PCDHGA1: variants seen among roughly 807,000 people sequenced by gnomAD.
PCDHGA1 encodes the protein protocadherin gamma subfamily A, 1.
PCDHGA1 carries 32 observed loss-of-function variants against 58.0 expected under a neutral mutation model. The ratio of observed to expected loss-of-function variants is 0.55; its 90% CI spans 0.42 to 0.74. PCDHGA1 has a LOEUF of 0.74. PCDHGA1 is among the 30% of genes least tolerant of loss of function. PCDHGA1 has a pLI of 0.00. For synonymous variants in PCDHGA1, 498 were observed against 501.1 expected, an observed-to-expected ratio of 0.99 and a Z score of 0.08; for missense variants, 1,205 against 1,182.3, an observed-to-expected ratio of 1.02 and a Z score of -0.28.
chr5:141,416,699 T>C (rs1232694721), intron 1 of PCDHGA1: 1 of 152,092 alleles, frequency 6.6e-6, no homozygotes, highest in Non-Finnish European at 1.5e-5. Context: ...AAACAAAGGA[T>C]CATTGGAGGT....
Position 141,399,568 on chromosome 5 carries a change from G to A in PCDHGA1, c.2421+66463G>A, listed in dbSNP as rs776963716. ...CTCGGACCTGGACTTGGGGTTGAAC[G>A]GCCAAGTCTCCTACTCTATCATGGC... is the stretch of plus-strand genomic sequence containing the variant. On this transcript the variant is annotated intron_variant, in intron 1 of 3. Transcript: ENST00000517417. The A allele has an allele frequency of 3.1e-6, 5 of 1,613,926 alleles. No individual in the cohort carries two copies. The East Asian group carries it at 8.9e-5, about 29-fold the overall frequency.
At chr5:141,383,774 TTCA>T in intron 1 of PCDHGA1, 1 of 1,613,980 alleles carries the variant, frequency 6.2e-7, no homozygotes, top group South Asian at 1.1e-5. Flanking sequence ...CCAAAGATGT[TTCA>T]TCTGAACTCG....
intron 1 of PCDHGA1, chr5:141,371,384 T>C: frequency 2.5e-6 from 4 of 1,613,984 alleles, no homozygotes; most frequent in Non-Finnish European, 3.4e-6. Flanking sequence ...ACACTGCATA[T>C]TGTAAAGTAC....
At chr5:141,410,516 C>T in intron 1 of PCDHGA1, 2 of 1,613,910 alleles carry the variant, frequency 1.2e-6, no homozygotes, top group Middle Eastern at 1.6e-4. Context: ...ATGCAGTGTG[C>T]CCCTACATTC....
intron 1 of PCDHGA1, chr5:141,420,931 AATC>A: frequency 2.7e-6 from 1 of 369,128 alleles, no homozygotes; most frequent in African/African-American, 2.1e-5. Context: ...AGGTGAGCGT[AATC>A]ATTTCTTCTG....
In PCDHGA1 at chr5:141,491,731, C is replaced by T. The variant is rs1198438920; in HGVS notation, c.2422-3076C>T. ...GGGCTCGGCGCCGCCCCGGGCGACC[C>T]CTGGGGGCGGCACTGGAGAAGCCGC... On this transcript the variant is annotated intron_variant, in intron 1 of 3. Coordinates refer to ENST00000517417, the MANE Select transcript of PCDHGA1 (RefSeq NM_018912.3). The surrounding 1 kb of genome is among the most constrained non-coding windows in gnomAD (Gnocchi z 6.9). 1 of 1,603,678 alleles carries T rather than the reference C, an allele frequency of 6.2e-7. No homozygotes were observed. Among genetic ancestry groups the T allele is most frequent in the Non-Finnish European group, 8.5e-7 (1 of 1,175,748 alleles).
chr5:141,414,526 G>T, intron 1 of PCDHGA1: 1 of 1,613,912 alleles, frequency 6.2e-7, no homozygotes, highest in Non-Finnish European at 8.5e-7. Flanking sequence ...AGATATCAAT[G>T]ACAACCCACC....
At position 141,375,271 on chromosome 5, in the gene PCDHGA1, A is replaced by C. The variant is rs748119820; in HGVS notation, c.2421+42166A>C. 1.5e-5 allele frequency: 24 copies of C among 1,613,884 alleles called. No homozygotes were observed. The East Asian group carries it at 4.5e-4, about 30-fold the overall frequency. On this transcript the variant is annotated intron_variant, in intron 1 of 3. Coordinates refer to ENST00000517417, the MANE Select transcript of PCDHGA1 (RefSeq NM_018912.3). ...GAAGTCTCCCATTTGAATTGGAAAAATCAGTTGGCAATTATTATCGATTAG... is the reference window on the plus strand; with the variant it reads ...GAAGTCTCCCATTTGAATTGGAAAACTCAGTTGGCAATTATTATCGATTAG...
intron 1 of PCDHGA1, among the ~76,000 whole-genome samples, chr5:141,436,923 T>C (rs2097854286): frequency 6.6e-6 from 1 of 152,224 alleles, no homozygotes; most frequent in African/African-American, 2.4e-5. Flanking sequence ...GAGTGTTACT[T>C]TTTCTTTGTC....
chr5:141,478,387 C>T, intron 1 of PCDHGA1: 1 of 1,613,642 alleles, frequency 6.2e-7, no homozygotes, highest in Non-Finnish European at 8.5e-7. Context: ...CGCACCTTTA[C>T]CATCAGGTGT....
At chr5:141,361,499 C>A (rs1762048821) in intron 1 of PCDHGA1, 2 of 1,614,066 alleles carry the variant, frequency 1.2e-6, no homozygotes, top group Non-Finnish European at 1.7e-6. Flanking sequence ...TTCCAACAGA[C>A]TTCCTACATG....
chr5:141,340,785 CT>C (rs1756983447), intron 1 of PCDHGA1: 3 of 1,613,750 alleles, frequency 1.9e-6, no homozygotes, highest in Admixed American at 1.7e-5. Flanking sequence ...GCCTGGCTGT[CT>C]TACCACCTGC....
At chr5:141,419,547 T>C (rs2096397603) in intron 1 of PCDHGA1, 6 of 1,612,070 alleles carry the variant, frequency 3.7e-6, no homozygotes, top group Non-Finnish European at 5.1e-6. Context: ...CCGCGGGTGC[T>C]GTACCCTGCG....
chr5:141,341,237 G>A (rs1165498415), intron 1 of PCDHGA1: 2 of 1,614,060 alleles, frequency 1.2e-6, no homozygotes, highest in Admixed American at 1.7e-5. Flanking sequence ...CTATTCCCAC[G>A]AGGTCTCCCT....
At chr5:141,399,473 A>G (rs2093815825) in intron 1 of PCDHGA1, 2 of 1,613,996 alleles carry the variant, frequency 1.2e-6, no homozygotes, top group Non-Finnish European at 1.7e-6. Context: ...CCGGTTTTCC[A>G]CCAGGCGTCC....
At position 141,340,897 on chromosome 5, in the gene PCDHGA1, C is replaced by A. The variant is rs141820910; in HGVS notation, c.2421+7792C>A. 6.6e-4 allele frequency: 1,068 copies of A among 1,613,718 alleles called. 1 individual carries two copies. Among genetic ancestry groups the A allele is most frequent in the Non-Finnish European group, 8.1e-4 (959 of 1,179,932 alleles). On this transcript the variant is annotated intron_variant, in intron 1 of 3. Coordinates refer to ENST00000517417, the MANE Select transcript of PCDHGA1 (RefSeq NM_018912.3). ...ACAGAGACGCGCTCAAGCAGAGCCT[C>A]GTGGTGGCCATCCAGGACCACGGCC...
At position 141,487,215 on chromosome 5, in the gene PCDHGA1, C is replaced by G. The variant is rs1248989099; in HGVS notation, c.2422-7592C>G. 4 of 1,613,850 alleles carry G rather than the reference C, an allele frequency of 2.5e-6. No homozygotes were observed. Among genetic ancestry groups the G allele is most frequent in the East Asian group, 4.5e-5 (2 of 44,882 alleles). The stretch of plus-strand genomic sequence containing the variant: ...GTCCCAGATCTTCGAGAATCTTCAG[C>G]TCCAAGGGAAGGAGAATCTCGTCTA... On this transcript the variant is annotated intron_variant, in intron 1 of 3. Coordinates refer to ENST00000517417, the MANE Select transcript of PCDHGA1 (RefSeq NM_018912.3). This position sits in a 1 kb window ranked among gnomAD's most constrained non-coding sequence, Gnocchi z 5.0.
intron 1 of PCDHGA1, chr5:141,344,575 C>T: frequency 6.2e-7 from 1 of 1,613,998 alleles, no homozygotes; most frequent in Non-Finnish European, 8.5e-7. Flanking sequence ...TTCTCTCTGG[C>T]TGTGAATAGC....
At position 141,409,941 on chromosome 5, in the gene PCDHGA1, G is replaced by C. The variant is rs757414302; in HGVS notation, c.2421+76836G>C. ...TCCGCGTTCTTCGATATGGTACCTC[G>C]CTCTGCAGAGCCCGGCTACCTAGTG... On this transcript the variant is annotated intron_variant, in intron 1 of 3. Transcript: ENST00000517417. 1.9e-6 allele frequency: 3 copies of C among 1,613,226 alleles called. No homozygotes were observed. In the South Asian group the frequency reaches 3.3e-5, roughly 18 times the overall value.
Sources: allele counts gnomAD v4.1 joint callset (sites outside exome capture counted in the v4.1 genomes callset), GRCh38; gene constraint gnomAD v4.1.1; non-coding constraint Gnocchi (gnomAD v3.1); transcripts MANE v1.5; gene names NCBI Gene and HGNC (gene_info 2026-07-23, HGNC 2026-07-21).